CHD9: variants seen among roughly 807,000 people sequenced by gnomAD.
CHD9 encodes the protein chromodomain helicase DNA binding protein 9.
Under a neutral mutation model 316.1 loss-of-function variants are expected in CHD9, and 77 were observed. The ratio of observed to expected loss-of-function variants is 0.24; its 90% CI spans 0.20 to 0.29. The LOEUF is 0.29. Among genes scored for constraint, CHD9 ranks in the 10% least tolerant of loss-of-function variants. CHD9 has a pLI of 1.00. For missense variants in CHD9, 2,763 were observed against 3,438.1 expected (o/e 0.80, Z 4.91); for synonymous variants, 1,129 against 1,158.3 (o/e 0.97, Z 0.51).
In CHD9 at chr16:53,273,481, G is replaced by T. The variant is rs1004563081; in HGVS notation, c.4718-145G>T. On this transcript the variant is annotated intron_variant, in intron 22 of 38. Coordinates refer to ENST00000447540, the MANE Select transcript of CHD9 (RefSeq NM_001308319.2). ...GTATAAAACCATCATCTTGATTTGTGGTTGGGTCAGTATTGTTACTAATAT... is the reference window on the plus strand; with the variant it reads ...GTATAAAACCATCATCTTGATTTGTTGTTGGGTCAGTATTGTTACTAATAT... The T allele has an allele frequency of 1.6e-5, 8 of 511,802 alleles. 1 individual carries two copies. The Admixed American group carries it at 2.7e-4, about 17-fold the overall frequency. 31.7% of individuals were successfully genotyped at this position (511,802 alleles called of 1,614,324 possible). A position where few individuals can be genotyped will look rare whatever the true frequency, so the allele number is the denominator to read the frequency against.
chr16:53,107,123 C>T lies in CHD9; in HGVS notation c.-164-48803C>T, dbSNP rs960732611. 5.9e-5 allele frequency among the ~76,000 whole-genome samples: 9 copies of T among 152,028 alleles called. No individual in the cohort carries two copies. The South Asian group carries it at 8.3e-4, about 14-fold the overall frequency. On this transcript the variant is annotated intron_variant, in intron 1 of 38. Transcript: ENST00000447540. ...ATTTTCAACAGCCTGGGCAATATAG[C>T]GAGACCCTGTCTCTAAAAAAATAAA...
rs1160590855 is a variant in CHD9 at position 53,238,578 on chromosome 16, G to A, written c.2869G>A (p.Asp957Asn). Residue 957 changes from aspartate (D) to asparagine (N), a missense_variant, in exon 12 of 39, where the codon GAT becomes AAT. Coordinates refer to ENST00000447540, the MANE Select transcript of CHD9 (RefSeq NM_001308319.2). ...MIQQYEMYFR[D>N]SQGRIIRGAY... ...ACAGCAATACGAGATGTACTTCAGG[G>A]ATTCACAGGTGTGTTATTGATTATT... 6.2e-7 allele frequency: 1 copy of A among 1,612,880 alleles called. No homozygotes were observed. Among genetic ancestry groups the A allele is most frequent in the Non-Finnish European group, 8.5e-7 (1 of 1,179,208 alleles).
At chr16:53,192,767 G>A (rs897523973) in intron 2 of CHD9, among the ~76,000 whole-genome samples, 1 of 152,110 alleles carries the variant, frequency 6.6e-6, no homozygotes, top group Admixed American at 6.5e-5. Flanking sequence ...TCTGACTTCT[G>A]TTTAGCATAG....
At chr16:53,319,899 G>A (rs2057148491) in intron 37 of CHD9, 1 of 1,028,860 alleles carries the variant, frequency 9.7e-7, no homozygotes, top group East Asian at 6.9e-5. Context: ...TTCAATAGAA[G>A]CTTAATGAAG....
intron 30 of CHD9, chr16:53,298,634 A>G (rs2055043785): frequency 6.6e-6 from 1 of 152,342 alleles, no homozygotes; most frequent in Non-Finnish European, 1.5e-5. Context: ...ATCTCGAGCA[A>G]CAGAGCAAGA....
At chr16:53,273,510 A>T in intron 22 of CHD9, 116 bp from the exon 23 acceptor site, 1 of 670,982 alleles carries the variant, frequency 1.5e-6, no homozygotes, top group Non-Finnish European at 2.5e-6. Context: ...CTAATATTTT[A>T]AAGATCTCTG....
In CHD9 at chr16:53,308,716, C is replaced by A; in HGVS notation, c.7084C>A (p.Gln2362Lys). The A allele has an allele frequency of 6.2e-7, 1 of 1,612,776 alleles. No homozygotes were observed. The highest frequency in any genetic ancestry group is 1.1e-5 in the South Asian group (1 of 90,902). ...EGGLKLTFQKQGLAQKRPFDG... is the reference protein window; with the variant it reads ...EGGLKLTFQKKGLAQKRPFDG... ...TGGTTTGAAGTTGACATTTCAGAAG[C>A]AAGGGCTTGCTCAGAAAAGACCATT... Residue 2362 changes from glutamine (Q) to lysine (K), a missense_variant, in exon 34 of 39, where the codon CAA becomes AAA. Physicochemically the swap from Gln to Lys is moderately conservative, Grantham distance 53 (BLOSUM62 1). Coordinates refer to ENST00000447540, the MANE Select transcript of CHD9 (RefSeq NM_001308319.2).
chr16:53,124,765 C>T (rs145207975), intron 1 of CHD9, among the ~76,000 whole-genome samples: 7 of 152,058 alleles, frequency 4.6e-5, no homozygotes, highest in Admixed American at 3.9e-4. Context: ...CAGGTGTGAG[C>T]CACCACACCC....
At chr16:53,061,736 C>G (rs1465157206) in intron 1 of CHD9, among the ~76,000 whole-genome samples, 1 of 152,178 alleles carries the variant, frequency 6.6e-6, no homozygotes, top group Non-Finnish European at 1.5e-5. Context: ...GCTGTGCACA[C>G]CCTGAAGCCA....
At chr16:53,203,520 A>C (rs2045624887) in intron 2 of CHD9, among the ~76,000 whole-genome samples, 1 of 152,102 alleles carries the variant, frequency 6.6e-6, no homozygotes, top group Non-Finnish European at 1.5e-5. Flanking sequence ...AAGGCTTGCT[A>C]TCTTCTGTTT....
At chr16:53,087,061 T>C (rs968385089) in intron 1 of CHD9, among the ~76,000 whole-genome samples, 3 of 152,132 alleles carry the variant, frequency 2.0e-5, no homozygotes, top group Non-Finnish European at 4.4e-5. Flanking sequence ...TCACTGATAG[T>C]AGCTCAGGTT....
chr16:53,154,572 G>A (rs2041369141), intron 1 of CHD9, among the ~76,000 whole-genome samples: 1 of 152,106 alleles, frequency 6.6e-6, no homozygotes, highest in Non-Finnish European at 1.5e-5. Flanking sequence ...GTGGATGGAG[G>A]GAGATGATTT....
chr16:53,127,715 G>C (rs752621405), intron 1 of CHD9, among the ~76,000 whole-genome samples: 10 of 152,080 alleles, frequency 6.6e-5, no homozygotes, highest in Non-Finnish European at 1.5e-4. Flanking sequence ...GAGGTCAGGA[G>C]TTCAAGACCA....
At chr16:53,220,146 A>G (rs1313517650) in intron 3 of CHD9, among the ~76,000 whole-genome samples, 2 of 152,224 alleles carry the variant, frequency 1.3e-5, no homozygotes, top group Non-Finnish European at 2.9e-5. Flanking sequence ...AAGTGTAACT[A>G]TGGTTGGTTC....
chr16:53,065,638 T>A (rs199650801), intron 1 of CHD9, among the ~76,000 whole-genome samples: 5 of 103,402 alleles, frequency 4.8e-5, no homozygotes, highest in South Asian at 3.7e-4. Context: ...TGTCTTAAAT[T>A]AAAAAAAAAA....
chr16:53,088,889 G>A (rs887518931), intron 1 of CHD9, among the ~76,000 whole-genome samples: 7 of 151,890 alleles, frequency 4.6e-5, no homozygotes, highest in Non-Finnish European at 1.0e-4. Flanking sequence ...TGAGGCAGGC[G>A]GATCATGAGG....
At chr16:53,073,124 A>T (rs2034246696) in intron 1 of CHD9, among the ~76,000 whole-genome samples, 1 of 152,192 alleles carries the variant, frequency 6.6e-6, no homozygotes, top group East Asian at 1.9e-4. Context: ...TACCCGTTAA[A>T]CACTAACTTT....
intron 29 of CHD9, among the ~76,000 whole-genome samples, chr16:53,294,626 TA>T (rs1778016325): frequency 1.3e-5 from 2 of 152,066 alleles, no homozygotes; most frequent in African/African-American, 4.8e-5. Context: ...CCATTCCAAG[TA>T]GAAAGGCAGA....
At chr16:53,184,239 A>G (rs566593275) in intron 2 of CHD9, among the ~76,000 whole-genome samples, 2 of 129,806 alleles carry the variant, frequency 1.5e-5, no homozygotes, top group Admixed American at 1.4e-4. Flanking sequence ...ACAGTATTCT[A>G]TTTAATCTTA....
Sources: gnomAD v4.1 joint callset for allele counts (sites outside exome capture counted in the v4.1 genomes callset) on GRCh38, gnomAD v4.1.1 for gene constraint, MANE v1.5 for transcripts, NCBI Gene and HGNC (gene_info 2026-07-23, HGNC 2026-07-21) for gene names.